The following PARD3 variants were observed in gnomAD, a reference collection of about 807,000 sequenced individuals.
PARD3 encodes partitioning defective 3 homolog.
In PARD3, 75 loss-of-function variants were observed where a neutral mutation model predicts 155.4. The observed-to-expected ratio is 0.48, with a 90% CI of 0.40 to 0.58. The LOEUF (loss-of-function observed/expected upper bound fraction) is 0.58. Among genes scored for constraint, PARD3 ranks in the 20% least tolerant of loss-of-function variants. PARD3 has a pLI of 0.00. For missense variants in PARD3, 1,642 were observed against 1,721.7 expected (o/e 0.95, Z 0.82); for synonymous variants, 576 against 610.5 (o/e 0.94, Z 0.83).
intron 3 of PARD3, among the ~76,000 whole-genome samples, chr10:34,501,261 T>C (rs969155827): frequency 6.6e-6 from 1 of 152,168 alleles, no homozygotes; most frequent in Non-Finnish European, 1.5e-5. Context: ...TGGTGCTGTC[T>C]TCATGACAAT....
At chr10:34,705,033 T>C (rs577558974) in intron 1 of PARD3, among the ~76,000 whole-genome samples, 2 of 152,286 alleles carry the variant, frequency 1.3e-5, no homozygotes, top group South Asian at 4.1e-4. Flanking sequence ...CTCTCCAATT[T>C]ATTTAAGCCA....
At chr10:34,351,107 GTCTT>G (rs1167652059) in intron 14 of PARD3, among the ~76,000 whole-genome samples, 3 of 152,108 alleles carry the variant, frequency 2.0e-5, no homozygotes, top group Admixed American at 6.5e-5. Flanking sequence ...GCCAAATAGT[GTCTT>G]TCACCTAAAG....
chr10:34,731,590 G>C (rs926768572), intron 1 of PARD3, among the ~76,000 whole-genome samples: 7 of 152,150 alleles, frequency 4.6e-5, no homozygotes, highest in African/African-American at 1.7e-4. Context: ...TAAAATCACA[G>C]AACTTAAAGG....
intron 10 of PARD3, 109 bp downstream of exon 10, chr10:34,377,858 A>G: frequency 1.3e-6 from 1 of 769,732 alleles, no homozygotes; most frequent in East Asian, 3.0e-5. Flanking sequence ...ACTTCCGCTA[A>G]AATGTATATA....
At chr10:34,789,274 C>G (rs1841366790) in intron 1 of PARD3, among the ~76,000 whole-genome samples, 1 of 151,822 alleles carries the variant, frequency 6.6e-6, no homozygotes, top group African/African-American at 2.4e-5. Context: ...CCAGCCTGGG[C>G]GACAGAGACT....
chr10:34,653,269 T>C (rs2093068782), intron 2 of PARD3, among the ~76,000 whole-genome samples: 1 of 152,148 alleles, frequency 6.6e-6, no homozygotes. Context: ...CTGTTTCTGA[T>C]ACTAAAATGT....
rs199816102 is a variant in PARD3 at position 34,461,497 on chromosome 10, T to TG, written c.582+8587dup. ...AGTGGGCGCCTGTAATCCCAGCTACTGGGGGGGCTGAGGCAGGAGTTTCGC... is the reference window on the plus strand; with the variant it reads ...AGTGGGCGCCTGTAATCCCAGCTACTGGGGGGGGCTGAGGCAGGAGTTTCGC... On this transcript the variant is annotated intron_variant, in intron 4 of 24. Coordinates refer to ENST00000374788, the MANE Select transcript of PARD3 (RefSeq NM_001184785.2). Among the ~76,000 whole-genome samples, 320 of 151,958 alleles carry TG rather than the reference T, an allele frequency of 2.1e-3. 2 individuals are homozygous for TG. Among genetic ancestry groups the TG allele is most frequent in the African/African-American group, 7.1e-3 (294 of 41,448 alleles).
chr10:34,259,369 C>T (rs1307813524), intron 22 of PARD3, among the ~76,000 whole-genome samples: 3 of 152,072 alleles, frequency 2.0e-5, no homozygotes. Context: ...TCCGGAGGCT[C>T]GAGGGGAGAA....
At chr10:34,111,774 G>C (rs1182680874) in intron 24 of PARD3, among the ~76,000 whole-genome samples, 2 of 152,180 alleles carry the variant, frequency 1.3e-5, no homozygotes, top group African/African-American at 4.8e-5. Flanking sequence ...CTAACAACGA[G>C]TAAACAGGAG....
At chr10:34,229,595 C>T (rs1279374742) in intron 22 of PARD3, among the ~76,000 whole-genome samples, 1 of 151,776 alleles carries the variant, frequency 6.6e-6, no homozygotes, top group Non-Finnish European at 1.5e-5. Flanking sequence ...CTAAATATGC[C>T]TCTTTAATAC....
intron 7 of PARD3, among the ~76,000 whole-genome samples, chr10:34,385,920 C>T (rs1162984874): frequency 6.6e-6 from 1 of 152,122 alleles, no homozygotes; most frequent in East Asian, 1.9e-4. Flanking sequence ...AAGTCTATTT[C>T]TATAAGCTTT....
Position 34,796,321 on chromosome 10 carries a change from GGAA to G in PARD3, c.120+18552_120+18554del, listed in dbSNP as rs142406068. ...ACATGCAAGTAACCCCAAGTGGCAC[GGAA>G]GAATAACCCAGCTGAGCCCTGCCCA... On this transcript the variant is annotated intron_variant, in intron 1 of 24. Transcript: ENST00000374788. Among the ~76,000 whole-genome samples, 1,185 of 152,148 alleles carry G rather than the reference GGAA, an allele frequency of 7.8e-3. 16 individuals are homozygous for G. The highest frequency in any genetic ancestry group is 0.027 in the African/African-American group (1,139 of 41,506).
intron 2 of PARD3, among the ~76,000 whole-genome samples, chr10:34,632,837 T>G (rs1035465978): frequency 3.3e-5 from 5 of 152,192 alleles, no homozygotes; most frequent in Admixed American, 3.3e-4. Flanking sequence ...ATCATTCCGA[T>G]TGTGATTTTT....
intron 1 of PARD3, among the ~76,000 whole-genome samples, chr10:34,801,603 G>T (rs1842849213): frequency 6.6e-6 from 1 of 152,180 alleles, no homozygotes; most frequent in African/African-American, 2.4e-5. Context: ...CAACTCCTGG[G>T]TGAAGTCTTC....
At chr10:34,769,472 A>AT (rs143774884) in intron 1 of PARD3, among the ~76,000 whole-genome samples, 25 of 150,384 alleles carry the variant, frequency 1.7e-4, no homozygotes, top group Admixed American at 8.0e-4. Flanking sequence ...CATTACTGTA[A>AT]TTTTTTTTTT....
intron 7 of PARD3, among the ~76,000 whole-genome samples, chr10:34,395,354 A>G (rs1843216821): frequency 6.6e-6 from 1 of 152,200 alleles, no homozygotes; most frequent in Non-Finnish European, 1.5e-5. Context: ...CATTTAAATC[A>G]GGAGGAAATG....
chr10:34,642,839 C>A (rs999088945), intron 2 of PARD3, among the ~76,000 whole-genome samples: 3 of 152,160 alleles, frequency 2.0e-5, no homozygotes, highest in Admixed American at 6.5e-5. Context: ...GGCTCCATCA[C>A]CTACAGTGCA....
chr10:34,539,209 T>C (rs1349248083), intron 2 of PARD3, among the ~76,000 whole-genome samples: 1 of 152,172 alleles, frequency 6.6e-6, no homozygotes, highest in Non-Finnish European at 1.5e-5. Flanking sequence ...ATAATGATTT[T>C]AGGTAAAGTA....
In PARD3 at chr10:34,371,524, A is replaced by C. The variant is rs1382002209; in HGVS notation, c.1707+974T>G. Among the ~76,000 whole-genome samples the C allele has an allele frequency of 4.7e-4, 33 of 69,706 alleles. 5 individuals are homozygous for C. Among genetic ancestry groups the C allele is most frequent in the African/African-American group, 4.4e-3 (30 of 6,752 alleles). 45.7% of individuals were successfully genotyped at this position (69,706 alleles called of 152,430 possible). A position where few individuals can be genotyped will look rare whatever the true frequency, so the allele number is the denominator to read the frequency against. ...AAAAAAAAAAAAAAAAAAAAAAAAAAAAAAAAAACAACGAAGGAATATTTG... is the reference window on the plus strand; with the variant it reads ...AAAAAAAAAAAAAAAAAAAAAAAAACAAAAAAAACAACGAAGGAATATTTG... On this transcript the variant is annotated intron_variant, in intron 12 of 24. Coordinates refer to ENST00000374788, the MANE Select transcript of PARD3 (RefSeq NM_001184785.2).
Sources: allele counts gnomAD v4.1 joint callset (sites outside exome capture counted in the v4.1 genomes callset), GRCh38; gene constraint gnomAD v4.1.1; transcripts MANE v1.5; gene names NCBI Gene and HGNC (gene_info 2026-07-23, HGNC 2026-07-21).